SUN2: variants seen among roughly 807,000 people sequenced by gnomAD.
SUN2 encodes SUN domain-containing protein 2.
In SUN2, 60 loss-of-function variants were observed where a neutral mutation model predicts 100.0. The observed-to-expected ratio is 0.60, with a 90% CI of 0.49 to 0.74. The LOEUF is 0.74. SUN2 is among the 30% of genes least tolerant of loss of function. The pLI is 0.00. For missense variants in SUN2, 834 were observed against 954.6 expected, an observed-to-expected ratio of 0.87 and a Z score of 1.66; for synonymous variants, 367 against 403.3, an observed-to-expected ratio of 0.91 and a Z score of 1.08.
Position 38,752,679 on chromosome 22 carries a change from G to A in SUN2, c.-37-14C>T. On this transcript the variant is annotated splice_polypyrimidine_tract_variant and intron_variant, in intron 1 of 17. Coordinates refer to ENST00000689035, the MANE Select transcript of SUN2 (RefSeq NM_015374.3). ...CCTGAAGAGAATCTAAGGAGAGAGA[G>A]GAGGAGGACTGGATGTGAGGCCTGG... The A allele has an allele frequency of 6.2e-7, 1 of 1,601,918 alleles. No homozygotes were observed. Among genetic ancestry groups the A allele is most frequent in the Non-Finnish European group, 8.5e-7 (1 of 1,175,414 alleles).
chr22:38,750,211 G>T lies in SUN2; in HGVS notation c.520+14C>A. On this transcript the variant is annotated intron_variant, in intron 5 of 17. Coordinates refer to ENST00000689035, the MANE Select transcript of SUN2 (RefSeq NM_015374.3). ...ACCAAGAATGGAAGTAACTGGGCAC[G>T]GGTTGCAGCCCACCTGGCGAAGTGG... is the stretch of plus-strand genomic sequence containing the variant. The T allele has an allele frequency of 6.2e-7, 1 of 1,607,344 alleles. No individual in the cohort carries two copies. Among genetic ancestry groups the T allele is most frequent in the Non-Finnish European group, 8.5e-7 (1 of 1,174,736 alleles).
In SUN2 at chr22:38,751,231, G is replaced by A. The variant is rs149726986; in HGVS notation, c.265C>T (p.Leu89=). The change falls in exon 3 of 18, where the codon CTG becomes TTG. Residue 89 remains leucine, a synonymous_variant. Coordinates refer to ENST00000689035, the MANE Select transcript of SUN2 (RefSeq NM_015374.3). ...TCACCCCAGTTGGCGTCACCATGCA[G>A]TTCCTCCAGGGAGCTCCTGGGTGGG... ...WFPPRSSLEE[L]HGDANWGEDL... is the part of the protein sequence containing the mutation. The A allele has an allele frequency of 3.1e-6, 5 of 1,613,346 alleles. No homozygotes were observed. Among genetic ancestry groups the A allele is most frequent in the Non-Finnish European group, 4.2e-6 (5 of 1,179,374 alleles).
chr22:38,742,217 C>T (rs1022397801), intron 9 of SUN2, 84 bp downstream of exon 9: 3 of 1,482,740 alleles, frequency 2.0e-6, no homozygotes, highest in Non-Finnish European at 2.7e-6. Context: ...TCCCAAATGA[C>T]ACTTGTTCTC....
chr22:38,746,048 T>C (rs2092901343), intron 7 of SUN2, among the ~76,000 whole-genome samples: 2 of 152,324 alleles, frequency 1.3e-5, no homozygotes, highest in South Asian at 4.1e-4. Context: ...CATCTTTCTG[T>C]AAGTGGCAAA....
At chr22:38,748,069 A>C (rs960560955) in intron 7 of SUN2, among the ~76,000 whole-genome samples, 2 of 151,834 alleles carry the variant, frequency 1.3e-5, no homozygotes, top group African/African-American at 4.8e-5. Flanking sequence ...TAATCCCAGC[A>C]CTTTGGGAGG....
intron 6 of SUN2, 73 bp downstream of exon 6, chr22:38,749,693 A>G: frequency 7.3e-7 from 1 of 1,370,960 alleles, no homozygotes; most frequent in Non-Finnish European, 1.0e-6. Context: ...CGACCATTAC[A>G]GGTTGACACA....
Position 38,755,190 on chromosome 22 carries a change from G to T in SUN2, c.-38+573C>A. 1 of 1,158,590 alleles carries T rather than the reference G, an allele frequency of 8.6e-7. No homozygotes were observed. Among genetic ancestry groups the T allele is most frequent in the African/African-American group, 1.6e-5 (1 of 61,830 alleles). 71.8% of individuals were successfully genotyped at this position (1,158,590 alleles called of 1,614,324 possible). ...TCCTCGTGACATTTCCACTCCCTGG[G>T]CACAGCCAGGCCACACGCCCTTGTG... On this transcript the variant is annotated intron_variant, in intron 1 of 17. Transcript: ENST00000689035. This position sits in a 1 kb window ranked among gnomAD's most constrained non-coding sequence, Gnocchi z 5.7.
Position 38,736,332 on chromosome 22 carries a change from T to G in SUN2, c.2089A>C (p.Asn697His). ...CAGGTGTACTCGGGGTGGCCCCAGT[T>G]AGTCAGGATCCGCAGCTCCACCACC... ...YQVVELRILTNWGHPEYTCIY... is the reference protein window; with the variant it reads ...YQVVELRILTHWGHPEYTCIY... The change falls in exon 18 of 18, where the codon AAC becomes CAC. Residue 697 changes from asparagine (N) to histidine (H), a missense_variant. Coordinates refer to ENST00000689035, the MANE Select transcript of SUN2 (RefSeq NM_015374.3). 1 of 1,613,978 alleles carries G rather than the reference T, an allele frequency of 6.2e-7. No homozygotes were observed. Among genetic ancestry groups the G allele is most frequent in the Non-Finnish European group, 8.5e-7 (1 of 1,179,908 alleles).
At chr22:38,751,452 G>C in intron 2 of SUN2, 79 bp from the exon 3 acceptor site, 1 of 1,548,540 alleles carries the variant, frequency 6.5e-7, no homozygotes, top group Non-Finnish European at 8.8e-7. Flanking sequence ...GCCACAGCCT[G>C]CGGCCCTGCC....
At chr22:38,741,124 C>A in intron 10 of SUN2, 74 bp from the exon 11 acceptor site, 1 of 1,505,168 alleles carries the variant, frequency 6.6e-7, no homozygotes, top group Admixed American at 2.0e-5. Context: ...GATCTGCTGT[C>A]TGTTAGCGTC....
chr22:38,751,035 C>T lies in SUN2; in HGVS notation c.287G>A (p.Gly96Asp), dbSNP rs756113748. ...CCTCCTCCGCACCCGCAGGTCCTCACCTGTGCAGGGAAGAACCAGGGGCTC... is the reference window on the plus strand; with the variant it reads ...CCTCCTCCGCACCCGCAGGTCCTCATCTGTGCAGGGAAGAACCAGGGGCTC... The part of the protein sequence containing the change: ...LEELHGDANW[G>D]EDLRVRRRRG... Residue 96 changes from glycine (G) to aspartate (D), a missense_variant and splice_region_variant, in exon 4 of 18, where the codon GGT (glycine) becomes GAT (aspartate). Gly to Asp is a moderately conservative substitution (Grantham distance 94). Coordinates refer to ENST00000689035, the MANE Select transcript of SUN2 (RefSeq NM_015374.3). The T allele has an allele frequency of 5.0e-6, 8 of 1,612,726 alleles. No homozygotes were observed. The South Asian group carries it at 6.6e-5, about 13-fold the overall frequency.
At position 38,737,799 on chromosome 22, in the gene SUN2, G is replaced by T. The variant is rs559909097; in HGVS notation, c.2040+374C>A. 151 of 437,590 alleles carry T rather than the reference G, an allele frequency of 3.5e-4. 1 individual carries two copies. Among genetic ancestry groups the T allele is most frequent in the South Asian group, 2.5e-3 (141 of 56,584 alleles). The allele number at this position is 437,590 out of a possible 1,614,324, so 27.1% of individuals were successfully genotyped here. On this transcript the variant is annotated intron_variant, in intron 17 of 17. Transcript: ENST00000689035. This position sits in a 1 kb window ranked among gnomAD's most constrained non-coding sequence, Gnocchi z 4.1. ...TCGGATGCCCACTGAAGTTTAAGCC[G>T]CATGCACTGCCTGAGGCTCCAGCTG...
At chr22:38,745,936 C>A in intron 7 of SUN2, 125 bp from the exon 8 acceptor site, 1 of 1,369,438 alleles carries the variant, frequency 7.3e-7, no homozygotes, top group Admixed American at 2.5e-5. Context: ...TGTGCCCTTC[C>A]AGAGGCATCA....
In SUN2 at chr22:38,755,828, C is replaced by A; in HGVS notation, c.-103G>T. On this transcript the variant is annotated 5_prime_UTR_variant, in exon 1 of 18. Transcript: ENST00000689035. The surrounding 1 kb of genome is among the most constrained non-coding windows in gnomAD (Gnocchi z 5.7). ...AGGCCAGGCCGCCGCCGGGGCGCGC[C>A]CCCTTTCCGCGTGGGGATCCCGCGG... 1 of 983,464 alleles carries A rather than the reference C, an allele frequency of 1.0e-6. No individual in the cohort carries two copies. Among genetic ancestry groups the A allele is most frequent in the South Asian group, 4.7e-5 (1 of 21,288 alleles). The allele number at this position is 983,464 out of a possible 1,614,324, so 60.9% of individuals were successfully genotyped here.
In SUN2 at chr22:38,738,143, C is replaced by T. The variant is rs1238912268; in HGVS notation, c.2040+30G>A. 2.5e-6 allele frequency: 4 copies of T among 1,606,334 alleles called. No homozygotes were observed. The highest frequency in any genetic ancestry group is 2.2e-5 in the East Asian group (1 of 44,838). On this transcript the variant is annotated intron_variant, in intron 17 of 17. Coordinates refer to ENST00000689035, the MANE Select transcript of SUN2 (RefSeq NM_015374.3). The surrounding 1 kb of genome is among the most constrained non-coding windows in gnomAD (Gnocchi z 6.6). ...TGCTGCCTGGATGGGGAGTCTGCGC[C>T]ACTTCTGCTAGCACAGCAGCATCCC...
At position 38,737,707 on chromosome 22, in the gene SUN2, A is replaced by C; in HGVS notation, c.2040+466T>G. The C allele has an allele frequency of 2.8e-6, 1 of 358,434 alleles. No individual in the cohort carries two copies. Among genetic ancestry groups the C allele is most frequent in the Admixed American group, 3.7e-5 (1 of 26,694 alleles). 22.2% of individuals were successfully genotyped at this position (358,434 alleles called of 1,614,324 possible). A position where few individuals can be genotyped will look rare whatever the true frequency, so the allele number is the denominator to read the frequency against. ...CAAATGCAGGCTCCTGGGTCCTGTC[A>C]GCCCTAAGGAACCAGACTCTCCTGG... On this transcript the variant is annotated intron_variant, in intron 17 of 17. Transcript: ENST00000689035. This position sits in a 1 kb window ranked among gnomAD's most constrained non-coding sequence, Gnocchi z 4.1.
At chr22:38,744,572 C>A (rs1316581772) in intron 8 of SUN2, among the ~76,000 whole-genome samples, 2 of 152,124 alleles carry the variant, frequency 1.3e-5, no homozygotes. Context: ...CAGAATGAGA[C>A]CCTGTCTCAA....
Position 38,755,417 on chromosome 22 carries a change from G to C in SUN2, c.-38+346C>G. The C allele has an allele frequency of 1.0e-6, 1 of 998,208 alleles. No individual in the cohort carries two copies. Among genetic ancestry groups the C allele is most frequent in the Non-Finnish European group, 1.2e-6 (1 of 836,068 alleles). 61.8% of individuals were successfully genotyped at this position (998,208 alleles called of 1,614,324 possible). ...TTCTGACAGGCAGAGGCTGGGAACT[G>C]CCTGTCCCTGGAAACGGCCTGTCTG... On this transcript the variant is annotated intron_variant, in intron 1 of 17. Transcript: ENST00000689035. The surrounding 1 kb of genome is among the most constrained non-coding windows in gnomAD (Gnocchi z 5.7).
Position 38,739,786 on chromosome 22 carries a change from C to G in SUN2, c.1514G>C (p.Arg505Thr), listed in dbSNP as rs2092838377. ...CAGGCTCAGGGAGGCCGCGGCTTCC[C>G]TGGCCGACTTGCCCTGCATCTCTGC... ...HVAEMQGKSAREAAASLSLTL... is the reference protein window; with the variant it reads ...HVAEMQGKSATEAAASLSLTL... Residue 505 changes from arginine (R) to threonine (T), a missense_variant, in exon 13 of 18, where the codon AGG becomes ACG. Arg to Thr is a moderately conservative substitution (Grantham distance 71). Coordinates refer to ENST00000689035, the MANE Select transcript of SUN2 (RefSeq NM_015374.3). The surrounding 1 kb of genome is among the most constrained non-coding windows in gnomAD (Gnocchi z 6.7). 3 of 1,613,538 alleles carry G rather than the reference C, an allele frequency of 1.9e-6. No homozygotes were observed. The highest frequency in any genetic ancestry group is 1.7e-5 in the Admixed American group (1 of 60,008).
Sources: allele counts gnomAD v4.1 joint callset (sites outside exome capture counted in the v4.1 genomes callset), GRCh38; gene constraint gnomAD v4.1.1; non-coding constraint Gnocchi (gnomAD v3.1); transcripts MANE v1.5; gene names NCBI Gene and HGNC (gene_info 2026-07-23, HGNC 2026-07-21).